Variants in SEMA3E observed in about 807,000 individuals in gnomAD.
The protein encoded by SEMA3E is semaphorin-3E.
Under a neutral mutation model 93.6 loss-of-function variants are expected in SEMA3E, and 49 were observed. The ratio of observed to expected loss-of-function variants is 0.52; its 90% CI spans 0.42 to 0.66. The LOEUF (loss-of-function observed/expected upper bound fraction) is 0.66, where lower values mean the gene tolerates loss of function less well. SEMA3E is among the 30% of genes least tolerant of loss of function. The pLI is 0.00. For missense variants in SEMA3E, 906 were observed against 964.8 expected (o/e 0.94, Z 0.81); for synonymous variants, 363 against 330.7 (o/e 1.10, Z -1.06).
At chr7:83,568,626 T>C (rs1792211970) in intron 1 of SEMA3E, among the ~76,000 whole-genome samples, 1 of 152,124 alleles carries the variant, frequency 6.6e-6, no homozygotes, top group Non-Finnish European at 1.5e-5. Flanking sequence ...ACAAAAGCCA[T>C]GCTCATCTCA....
chr7:83,613,498 G>A (rs542420605), intron 1 of SEMA3E, among the ~76,000 whole-genome samples: 4 of 151,870 alleles, frequency 2.6e-5, no homozygotes, highest in African/African-American at 4.8e-5. Flanking sequence ...AACTAACAAA[G>A]AGCCCTATTT....
chr7:83,390,077 ACG>A, intron 14 of SEMA3E, among the ~76,000 whole-genome samples: 1 of 131,968 alleles, frequency 7.6e-6, no homozygotes, highest in African/African-American at 2.7e-5. Flanking sequence ...ATGCGCGTAT[ACG>A]TGTGCACATA....
chr7:83,623,165 T>C (rs972120833), intron 1 of SEMA3E, among the ~76,000 whole-genome samples: 3 of 152,052 alleles, frequency 2.0e-5, no homozygotes, highest in African/African-American at 7.2e-5. Context: ...AATTCATACA[T>C]GGGAAATAAT....
chr7:83,435,683 C>G (rs966355236), intron 4 of SEMA3E, among the ~76,000 whole-genome samples: 1 of 152,116 alleles, frequency 6.6e-6, no homozygotes, highest in Non-Finnish European at 1.5e-5. Context: ...AATATTTATA[C>G]ACCAAACCTC....
intron 1 of SEMA3E, among the ~76,000 whole-genome samples, chr7:83,645,222 T>G (rs1406641976): frequency 6.6e-6 from 1 of 152,044 alleles, no homozygotes; most frequent in Non-Finnish European, 1.5e-5. Context: ...CATTCTCTCT[T>G]TCCTTGGTTT....
intron 6 of SEMA3E, 127 bp from the exon 7 acceptor site, chr7:83,407,366 T>C (rs1739629888): frequency 2.3e-6 from 2 of 884,078 alleles, no homozygotes; most frequent in Non-Finnish European, 3.4e-6. Flanking sequence ...TAAAGAAATA[T>C]TTTTCTTGAA....
intron 14 of SEMA3E, among the ~76,000 whole-genome samples, chr7:83,390,361 T>G (rs1295281224): frequency 1.3e-4 from 20 of 152,002 alleles, no homozygotes; most frequent in Non-Finnish European, 2.9e-4. Context: ...TGCGTATTAT[T>G]CTTATATCTC....
chr7:83,402,943 T>C (rs1788259492), intron 9 of SEMA3E, among the ~76,000 whole-genome samples, 167 bp from the exon 10 acceptor site: 1 of 152,030 alleles, frequency 6.6e-6, no homozygotes, highest in African/African-American at 2.4e-5. Flanking sequence ...ATTTCCAATT[T>C]TGAAACTCTG....
At chr7:83,402,593 C>CT in intron 10 of SEMA3E, 39 bp downstream of exon 10, 1 of 1,577,702 alleles carries the variant, frequency 6.3e-7, no homozygotes, top group Non-Finnish European at 8.7e-7. Context: ...CAAAAGTATA[C>CT]TTAAAAATAA....
At chr7:83,440,114 A>C (rs2115780270) in intron 4 of SEMA3E, among the ~76,000 whole-genome samples, 1 of 152,282 alleles carries the variant, frequency 6.6e-6, no homozygotes, top group Admixed American at 6.5e-5. Flanking sequence ...GCTTCATCAC[A>C]AATATTTAAT....
intron 2 of SEMA3E, among the ~76,000 whole-genome samples, chr7:83,483,899 T>A (rs1473535964): frequency 6.6e-6 from 1 of 152,174 alleles, no homozygotes; most frequent in Admixed American, 6.5e-5. Flanking sequence ...GACGTACCGC[T>A]GTTGACCATA....
At chr7:83,491,540 G>A (rs1318738606) in intron 1 of SEMA3E, among the ~76,000 whole-genome samples, 1 of 151,926 alleles carries the variant, frequency 6.6e-6, no homozygotes, top group East Asian at 1.9e-4. Context: ...CTCTTATTGA[G>A]TTAGCTTTGA....
At chr7:83,531,289 T>G (rs112023893) in intron 1 of SEMA3E, among the ~76,000 whole-genome samples, 13 of 38,496 alleles carry the variant, frequency 3.4e-4, no homozygotes, top group African/African-American at 5.8e-4. Flanking sequence ...TCATAGTTTT[T>G]TTTTTTTTAA....
At chr7:83,476,352 C>A (rs1370023493) in intron 2 of SEMA3E, among the ~76,000 whole-genome samples, 3 of 152,012 alleles carry the variant, frequency 2.0e-5, no homozygotes, top group Admixed American at 6.6e-5. Context: ...TTAGCAATAA[C>A]CCCGGCTCTG....
At chr7:83,470,336 T>G (rs73376714) in intron 2 of SEMA3E, among the ~76,000 whole-genome samples, 1,102 of 109,306 alleles carry the variant, frequency 0.01, 16 homozygotes, top group African/African-American at 0.029. Flanking sequence ...TGGAAGAAAT[T>G]TTTTACTTTA....
At chr7:83,400,379 G>GAAAAAC (rs1788214909) in intron 10 of SEMA3E, 129 bp from the exon 11 acceptor site, 1 of 840,866 alleles carries the variant, frequency 1.2e-6, no homozygotes, top group African/African-American at 1.7e-5. Context: ...GAAATATTTA[G>GAAAAAC]TAATCATATA....
intron 4 of SEMA3E, 111 bp downstream of exon 4, chr7:83,466,371 T>A: frequency 7.8e-7 from 1 of 1,285,354 alleles, no homozygotes; most frequent in Non-Finnish European, 1.1e-6. Context: ...ACTGATTCAG[T>A]ACATCGCAAA....
intron 1 of SEMA3E, among the ~76,000 whole-genome samples, chr7:83,632,297 A>G (rs1562863194): frequency 1.3e-5 from 2 of 152,214 alleles, no homozygotes; most frequent in African/African-American, 4.8e-5. Flanking sequence ...CTGAAAGAAT[A>G]GTCAAGATAT....
chr7:83,609,392 T>C (rs1049164829), intron 1 of SEMA3E, among the ~76,000 whole-genome samples: 1 of 152,052 alleles, frequency 6.6e-6, no homozygotes, highest in African/African-American at 2.4e-5. Context: ...TTAGAATCTA[T>C]GTTTTCAGAG....
Sources: allele counts gnomAD v4.1 joint callset (sites outside exome capture counted in the v4.1 genomes callset), GRCh38; gene constraint gnomAD v4.1.1; transcripts MANE v1.5; gene names NCBI Gene and HGNC (gene_info 2026-07-23, HGNC 2026-07-21).